Variants in HEATR3 observed in about 807,000 individuals in gnomAD.
The protein encoded by HEATR3 is HEAT repeat-containing protein 3.
Under a neutral mutation model 72.8 loss-of-function variants are expected in HEATR3, and 56 were observed. The ratio of observed to expected loss-of-function variants is 0.77; its 90% CI spans 0.62 to 0.96. The LOEUF (loss-of-function observed/expected upper bound fraction) is 0.96, where lower values mean the gene tolerates loss of function less well. Ranked by LOEUF, HEATR3 falls within the 40% of genes least tolerant of loss-of-function variation. HEATR3 has a pLI of 0.00. For missense variants in HEATR3, 747 were observed against 831.4 expected (o/e 0.90, Z 1.25); for synonymous variants, 331 against 318.1 (o/e 1.04, Z -0.43).
chr16:50,072,502 C>G, intron 4 of HEATR3, 103 bp from the exon 5 acceptor site: 2 of 708,226 alleles, frequency 2.8e-6, no homozygotes, highest in Non-Finnish European at 4.9e-6. Flanking sequence ...GATTCCAACT[C>G]CTTGGTTTAT....
intron 7 of HEATR3, 43 bp downstream of exon 7, chr16:50,079,061 T>C (rs77386750): frequency 0.017 from 3 of 172 alleles, no homozygotes; most frequent in East Asian, 0.5. Context: ...AATACAGCTG[T>C]TTTTTTTTTC....
chr16:50,082,855 A>T (rs2150608372), intron 7 of HEATR3, among the ~76,000 whole-genome samples: 1 of 151,682 alleles, frequency 6.6e-6, no homozygotes, highest in South Asian at 2.1e-4. Flanking sequence ...CAGTGGTACA[A>T]TCTCGGCTCA....
At chr16:50,097,805 CT>C (rs1176778920) in intron 12 of HEATR3, among the ~76,000 whole-genome samples, 3 of 151,670 alleles carry the variant, frequency 2.0e-5, no homozygotes, top group African/African-American at 7.3e-5. Flanking sequence ...ATCCCAGCTA[CT>C]TGGGAGGCTG....
chr16:50,097,224 A>AT (rs1319957641), intron 12 of HEATR3, among the ~76,000 whole-genome samples: 4 of 152,086 alleles, frequency 2.6e-5, no homozygotes, highest in African/African-American at 9.7e-5. Flanking sequence ...GTGGGTTCAC[A>AT]TAATGGTTTT....
rs141316989 is a variant in HEATR3 at position 50,100,282 on chromosome 16, G to C, written c.1652G>C (p.Ser551Thr). 17 of 1,613,874 alleles carry C rather than the reference G, an allele frequency of 1.1e-5. No individual in the cohort carries two copies. The African/African-American group carries it at 1.9e-4, about 18-fold the overall frequency. Reference sequence around the variant, plus strand: ...TTATGCAAAGCAGGCATTCATAGTAGTAATGTCGGGGTTAGAGTGAATGTC... The same window carrying C: ...TTATGCAAAGCAGGCATTCATAGTACTAATGTCGGGGTTAGAGTGAATGTC... ...MTLCKAGIHS[S>T]NVGVRVNVVS... is the part of the protein sequence containing the mutation. The change falls in exon 13 of 15, where the codon AGT becomes ACT. Residue 551 changes from serine to threonine, a missense_variant. Ser to Thr is a moderately conservative substitution (Grantham distance 58, BLOSUM62 1). Transcript: ENST00000299192.
chr16:50,067,981 G>A (rs2036535553), intron 2 of HEATR3, among the ~76,000 whole-genome samples: 1 of 152,178 alleles, frequency 6.6e-6, no homozygotes, highest in Non-Finnish European at 1.5e-5. Flanking sequence ...AAGGGTTCAG[G>A]GAAGAAGACT....
In HEATR3 at chr16:50,105,176, T is replaced by C. The variant is rs749054131; in HGVS notation, c.*115T>C. On this transcript the variant is annotated 3_prime_UTR_variant, in exon 15 of 15. Coordinates refer to ENST00000299192, the MANE Select transcript of HEATR3 (RefSeq NM_182922.4). ...GTCATTTTTTAATGATTACATTCTG[T>C]ACATTCTGTAAAAACTTCAAAACCT... 11 of 1,196,482 alleles carry C rather than the reference T, an allele frequency of 9.2e-6. No homozygotes were observed. Among genetic ancestry groups the C allele is most frequent in the Non-Finnish European group, 1.3e-5 (11 of 850,776 alleles). The allele number at this position is 1,196,482 out of a possible 1,614,324, so 74.1% of individuals were successfully genotyped here.
intron 1 of HEATR3, 22 bp from the exon 2 acceptor site, chr16:50,066,345 C>T (rs778538340): frequency 1.4e-5 from 22 of 1,560,098 alleles, no homozygotes; most frequent in Non-Finnish European, 1.8e-5. Flanking sequence ...CGCCTTCTGA[C>T]CCTTTTCGCT....
At chr16:50,104,204 T>C (rs2037430023) in intron 14 of HEATR3, among the ~76,000 whole-genome samples, 1 of 151,904 alleles carries the variant, frequency 6.6e-6, no homozygotes, top group South Asian at 2.1e-4. Context: ...TTAAAAAAAT[T>C]ACTCCAGCAT....
In HEATR3 at chr16:50,094,738, T is replaced by C; in HGVS notation, c.1544T>C (p.Ile515Thr). The change falls in exon 12 of 15, where the codon ATA becomes ACA. Residue 515 changes from isoleucine (I) to threonine (T), a missense_variant. Transcript: ENST00000299192. ...AAACATGTTGACTTTCTAGAAGCCATAAGTAGTGCTTTGAGGGCCCTTTTG... is the reference window on the plus strand; with the variant it reads ...AAACATGTTGACTTTCTAGAAGCCACAAGTAGTGCTTTGAGGGCCCTTTTG... The part of the protein sequence containing the change: ...FAKHVDFLEA[I>T]SSALRALLQT... The C allele has an allele frequency of 3.1e-6, 5 of 1,592,384 alleles. No individual in the cohort carries two copies. Among genetic ancestry groups the C allele is most frequent in the Non-Finnish European group, 4.3e-6 (5 of 1,171,704 alleles).
intron 3 of HEATR3, among the ~76,000 whole-genome samples, chr16:50,069,811 C>G (rs962419084): frequency 6.6e-6 from 1 of 152,186 alleles, no homozygotes; most frequent in African/African-American, 2.4e-5. Flanking sequence ...CTGTACCTCA[C>G]TTTCCCATTT....
intron 11 of HEATR3, among the ~76,000 whole-genome samples, chr16:50,091,873 CAAA>C (rs1157532465): frequency 1.1e-4 from 7 of 62,466 alleles, no homozygotes; most frequent in Non-Finnish European, 9.5e-5. Flanking sequence ...GACTCTGTCT[CAAA>C]AAAAAAAAAA....
rs1003745656 is a variant in HEATR3, at chr16:50,106,468, ATTTG to A, written c.*1412_*1415del. ...AAATGAGATGATACTATTCGTGGAT[ATTTG>A]TTTGCTAATGCATATTGCTTGGAAT... On this transcript the variant is annotated 3_prime_UTR_variant, in exon 15 of 15. Coordinates refer to ENST00000299192, the MANE Select transcript of HEATR3 (RefSeq NM_182922.4). The A allele has an allele frequency of 1.3e-5, 2 of 152,312 alleles. No homozygotes were observed. The highest frequency in any genetic ancestry group is 4.8e-5 in the African/African-American group (2 of 41,570). The allele number at this position is 152,312 out of a possible 1,614,324, so 9.4% of individuals were successfully genotyped here.
chr16:50,089,798 A>G (rs998032855), intron 11 of HEATR3, among the ~76,000 whole-genome samples: 5 of 151,880 alleles, frequency 3.3e-5, no homozygotes, highest in Non-Finnish European at 7.4e-5. Context: ...CCTCCCAAGT[A>G]GCTGGGATTA....
In HEATR3 at chr16:50,086,279, G is replaced by T; in HGVS notation, c.1438G>T (p.Glu480Ter). Residue 480 changes from glutamate to a stop codon, truncating the protein, a stop_gained, in exon 11 of 15, where the codon GAG becomes TAG. Transcript: ENST00000299192. LOFTEE classifies it high-confidence loss of function. ...LQSLVSLLDV[E>*]HLGGAAALQT... is the part of the protein sequence containing the mutation. The stretch of plus-strand genomic sequence containing the variant: ...GAGTCTTGTGTCCCTCCTGGATGTG[G>T]AGCACCTGGGAGGAGCCGCAGCCCT... 3 of 1,585,304 alleles carry T rather than the reference G, an allele frequency of 1.9e-6. No individual in the cohort carries two copies.
At chr16:50,091,786 A>G (rs1484528349) in intron 11 of HEATR3, among the ~76,000 whole-genome samples, 2 of 148,396 alleles carry the variant, frequency 1.3e-5, no homozygotes, top group Non-Finnish European at 3.0e-5. Flanking sequence ...AGGCAGGAGA[A>G]TGGCATGAAC....
At chr16:50,081,306 G>A (rs1479151771) in intron 7 of HEATR3, among the ~76,000 whole-genome samples, 1 of 152,126 alleles carries the variant, frequency 6.6e-6, no homozygotes, top group Non-Finnish European at 1.5e-5. Flanking sequence ...TAGGTGTGGT[G>A]GCATGTGCCT....
At chr16:50,086,566 G>T (rs925369724) in intron 11 of HEATR3, among the ~76,000 whole-genome samples, 2 of 152,134 alleles carry the variant, frequency 1.3e-5, no homozygotes, top group African/African-American at 4.8e-5. Flanking sequence ...TGTTAAAATT[G>T]TTTGCATCCA....
rs765587481 is a variant in HEATR3 at position 50,072,524 on chromosome 16, TG to T, written c.513-80del. On this transcript the variant is annotated intron_variant, in intron 4 of 14. Coordinates refer to ENST00000299192, the MANE Select transcript of HEATR3 (RefSeq NM_182922.4). ...ACTCCTTGGTTTATAAAGCCTCGTT[TG>T]TTTTTTTATGGATTGCTATGGTTGA... 3.6e-5 allele frequency: 32 copies of T among 889,330 alleles called. 1 individual carries two copies. The highest frequency in any genetic ancestry group is 3.4e-4 in the Middle Eastern group (1 of 2,910). 55.1% of individuals were successfully genotyped at this position (889,330 alleles called of 1,614,324 possible).
Sources: allele counts gnomAD v4.1 joint callset (sites outside exome capture counted in the v4.1 genomes callset), GRCh38; gene constraint gnomAD v4.1.1; transcripts MANE v1.5; gene names NCBI Gene and HGNC (gene_info 2026-07-23, HGNC 2026-07-21).